The following IREB2 variants were observed in gnomAD, a reference collection of about 807,000 sequenced individuals.
IREB2 encodes iron-responsive element-binding protein 2.
Under a neutral mutation model 118.8 loss-of-function variants are expected in IREB2, and 39 were observed. That is an observed-to-expected ratio of 0.33 (90% CI 0.25 to 0.43). IREB2 has a LOEUF of 0.43. Among genes scored for constraint, IREB2 ranks in the 20% least tolerant of loss-of-function variants. The pLI, the probability that IREB2 is intolerant of heterozygous loss-of-function variation, is 1.00. For synonymous variants in IREB2, 372 were observed against 392.2 expected, an observed-to-expected ratio of 0.95 and a Z score of 0.61; for missense variants, 900 against 1,147.3, an observed-to-expected ratio of 0.78 and a Z score of 3.11.
intron 2 of IREB2, among the ~76,000 whole-genome samples, chr15:78,447,819 CA>C (rs1206170326): frequency 6.6e-6 from 1 of 152,136 alleles, no homozygotes; most frequent in Non-Finnish European, 1.5e-5. Flanking sequence ...CTCCCTAAGT[CA>C]AGTTCAAGGT....
intron 2 of IREB2, among the ~76,000 whole-genome samples, chr15:78,460,300 G>T (rs2051175252): frequency 6.6e-6 from 1 of 152,054 alleles, no homozygotes. Context: ...TGTCTATTTG[G>T]TTACCTGAAA....
chr15:78,487,788 T>G lies in IREB2; in HGVS notation c.1765T>G (p.Ser589Ala), dbSNP rs756557966. 5.6e-6 allele frequency: 9 copies of G among 1,606,912 alleles called. No individual in the cohort carries two copies. The East Asian group carries it at 2.0e-4, about 36-fold the overall frequency. ...SICVGNTAPL[S>A]DAVLNAVKQG... ...TTGTGTGGGAAATACAGCACCCTTATCAGACGCAGTTTTAAATGCAGTAAA... is the reference window on the plus strand; with the variant it reads ...TTGTGTGGGAAATACAGCACCCTTAGCAGACGCAGTTTTAAATGCAGTAAA... Residue 589 changes from serine to alanine, a missense_variant, in exon 14 of 22, where the codon TCA (serine) becomes GCA (alanine). Ser to Ala is a moderately conservative substitution (Grantham distance 99, BLOSUM62 1). Coordinates refer to ENST00000258886, the MANE Select transcript of IREB2 (RefSeq NM_004136.4).
rs758793585 is a variant in IREB2 at position 78,466,259 on chromosome 15, T to G, written c.411-12T>G. 1.9e-5 allele frequency: 30 copies of G among 1,576,642 alleles called. No individual in the cohort carries two copies. Among genetic ancestry groups the G allele is most frequent in the Non-Finnish European group, 2.5e-5 (29 of 1,156,066 alleles). ...TAAATGGCTTTATTTTGTTTTCTTT[T>G]TGGAATGACAGTGCAATACAGAATG... On this transcript the variant is annotated splice_polypyrimidine_tract_variant and intron_variant, in intron 4 of 21. Transcript: ENST00000258886.
intron 5 of IREB2, 52 bp from the exon 6 acceptor site, chr15:78,470,480 G>A: frequency 3.5e-6 from 4 of 1,147,602 alleles, no homozygotes; most frequent in South Asian, 3.2e-5. Context: ...AAGAAACAAG[G>A]CAAGTCTTTT....
At chr15:78,487,526 C>T (rs1041314241) in intron 13 of IREB2, among the ~76,000 whole-genome samples, 1 of 152,172 alleles carries the variant, frequency 6.6e-6, no homozygotes, top group Non-Finnish European at 1.5e-5. Context: ...GTTAAGGCTG[C>T]AGTGAGCTGG....
chr15:78,495,687 CAAAAAATGAGTAAAAATTTGT>C (rs1173717854), intron 20 of IREB2, among the ~76,000 whole-genome samples: 3 of 151,804 alleles, frequency 2.0e-5, no homozygotes, highest in Non-Finnish European at 4.4e-5. Context: ...TCTGCTATAA[CAAAAAATGAGTAAAAATTTGT>C]AAAAAATGAG....
rs1287943077 is a variant in IREB2, at chr15:78,470,268, T to C, written c.630-264T>C. Among the ~76,000 whole-genome samples the C allele has an allele frequency of 2.0e-5, 3 of 152,224 alleles. No homozygotes were observed. The South Asian group carries it at 6.2e-4, about 31-fold the overall frequency. On this transcript the variant is annotated intron_variant, in intron 5 of 21. Coordinates refer to ENST00000258886, the MANE Select transcript of IREB2 (RefSeq NM_004136.4). ...AACAAAGTGTGTTTTTATTATCACTTGAGTACAGTTTTGGACATTGGTGTA... is the reference window on the plus strand; with the variant it reads ...AACAAAGTGTGTTTTTATTATCACTCGAGTACAGTTTTGGACATTGGTGTA...
intron 2 of IREB2, among the ~76,000 whole-genome samples, chr15:78,447,716 C>T (rs2050955153): frequency 6.6e-6 from 1 of 152,160 alleles, no homozygotes; most frequent in Non-Finnish European, 1.5e-5. Flanking sequence ...TCCCAGTGTG[C>T]TAGGATTACA....
intron 4 of IREB2, among the ~76,000 whole-genome samples, chr15:78,465,976 G>T (rs972059009): frequency 1.3e-5 from 2 of 152,150 alleles, no homozygotes; most frequent in African/African-American, 4.8e-5. Flanking sequence ...TTGTTAGGGG[G>T]AAAAAATCTA....
intron 1 of IREB2, 181 bp downstream of exon 1, chr15:78,438,537 G>C: frequency 1.5e-6 from 1 of 661,078 alleles, no homozygotes; most frequent in Non-Finnish European, 2.6e-6. Context: ...GCGGAAGCTG[G>C]GGCTCCCGAT....
intron 8 of IREB2, 84 bp downstream of exon 8, chr15:78,473,465 G>A: frequency 8.7e-7 from 1 of 1,147,400 alleles, no homozygotes; most frequent in Non-Finnish European, 1.3e-6. Context: ...CAGGGATTTG[G>A]GTTCATTACT....
At chr15:78,470,502 A>C in intron 5 of IREB2, 30 bp from the exon 6 acceptor site, 1 of 1,474,294 alleles carries the variant, frequency 6.8e-7, no homozygotes, top group Middle Eastern at 1.8e-4. Context: ...TGTAATACAT[A>C]CGTTTAATGC....
intron 2 of IREB2, among the ~76,000 whole-genome samples, chr15:78,452,701 G>C (rs1333648487): frequency 2.0e-5 from 3 of 152,080 alleles, no homozygotes; most frequent in Non-Finnish European, 4.4e-5. Flanking sequence ...GAGCCCAGGA[G>C]TTCGAGACCA....
At chr15:78,493,494 A>C (rs1312144489) in intron 18 of IREB2, among the ~76,000 whole-genome samples, 1 of 152,236 alleles carries the variant, frequency 6.6e-6, no homozygotes, top group Non-Finnish European at 1.5e-5. Flanking sequence ...ACTTGAGATC[A>C]ACTGAACACA....
intron 10 of IREB2, among the ~76,000 whole-genome samples, chr15:78,480,964 G>A (rs533604558): frequency 2.0e-5 from 3 of 150,316 alleles, no homozygotes; most frequent in African/African-American, 7.4e-5. Context: ...AGCTGAGATG[G>A]CACCACTGTA....
intron 2 of IREB2, among the ~76,000 whole-genome samples, chr15:78,447,535 T>G (rs1321971743): frequency 6.6e-6 from 1 of 152,138 alleles, no homozygotes; most frequent in Non-Finnish European, 1.5e-5. Context: ...TTCACCATGT[T>G]GGCTAGGCTG....
At chr15:78,485,876 G>A (rs951187641) in intron 13 of IREB2, 36 bp downstream of exon 13, 9 of 1,581,930 alleles carry the variant, frequency 5.7e-6, no homozygotes, top group Non-Finnish European at 7.8e-6. Flanking sequence ...ATTGATATTG[G>A]TGTTCAGTAG....
rs769620638 is a variant in IREB2, at chr15:78,476,209, G to A, written c.1045G>A (p.Ala349Thr). ...ITKHLRQVGV[A>T]GKFVEFFGSG... ...ATAGCACCTCAGGCAAGTAGGAGTGGCTGGAAAGTTTGTTGAGTTTTTTGG... is the reference window on the plus strand; with the variant it reads ...ATAGCACCTCAGGCAAGTAGGAGTGACTGGAAAGTTTGTTGAGTTTTTTGG... Residue 349 changes from alanine (A) to threonine (T), a missense_variant, in exon 9 of 22, where the codon GCT becomes ACT. Coordinates refer to ENST00000258886, the MANE Select transcript of IREB2 (RefSeq NM_004136.4). 6.3e-7 allele frequency: 1 copy of A among 1,596,024 alleles called. No individual in the cohort carries two copies. The highest frequency in any genetic ancestry group is 8.6e-7 in the Non-Finnish European group (1 of 1,166,600).
upstream of IREB2, chr15:78,438,054 C>T (rs916535819): frequency 1.4e-5 from 7 of 488,572 alleles, no homozygotes; most frequent in East Asian, 2.0e-4. Context: ...CGCTCCGCCC[C>T]CGCTCGCGAG....
Sources: gnomAD v4.1 joint callset for allele counts (sites outside exome capture counted in the v4.1 genomes callset) on GRCh38, gnomAD v4.1.1 for gene constraint, MANE v1.5 for transcripts, NCBI Gene and HGNC (gene_info 2026-07-23, HGNC 2026-07-21) for gene names.